The following RAB38 variants were observed in gnomAD, a reference collection of about 807,000 sequenced individuals.
The protein encoded by RAB38 is RAB38, member RAS oncogene family, also known as ras-related protein Rab-38.
In RAB38, 15 loss-of-function variants were observed where a neutral mutation model predicts 18.4. That is an observed-to-expected ratio of 0.82 (90% CI 0.55 to 1.26). RAB38 has a LOEUF of 1.26. Among genes scored for constraint, RAB38 ranks in the 50% most tolerant of loss-of-function variants. The probability of loss-of-function intolerance (pLI) is 0.00; values close to 1 mark genes in which losing one functional copy is unlikely to be tolerated. For missense variants in RAB38, 294 were observed against 267.4 expected, an observed-to-expected ratio of 1.10 and a Z score of -0.69; for synonymous variants, 101 against 104.4, an observed-to-expected ratio of 0.97 and a Z score of 0.20.
At chr11:87,843,802 A>T in the RAB38 span, among the ~76,000 whole-genome samples, 1 of 152,214 alleles carries the variant, frequency 6.6e-6, no homozygotes, top group Non-Finnish European at 1.5e-5. Context: ...GTTCTAAGTC[A>T]AAGATTTATA....
intron 1 of RAB38, among the ~76,000 whole-genome samples, chr11:88,155,441 C>A (rs999791999): frequency 4.6e-5 from 7 of 150,828 alleles, no homozygotes; most frequent in Non-Finnish European, 8.9e-5. Flanking sequence ...GCTACAGAAG[C>A]AAAACCAAAA....
the RAB38 span, among the ~76,000 whole-genome samples, chr11:88,062,335 G>A: frequency 3.9e-5 from 6 of 152,036 alleles, no homozygotes; most frequent in Non-Finnish European, 8.8e-5. Context: ...CTGGCACCAT[G>A]TAAGACATGC....
Position 88,113,986 on chromosome 11 carries a change from T to G in RAB38, c.*2A>C, listed in dbSNP as rs1311333260. On this transcript the variant is annotated 3_prime_UTR_variant, in exon 3 of 3. Coordinates refer to ENST00000243662, the MANE Select transcript of RAB38 (RefSeq NM_022337.3). ...CCTACCAGACACCAGCAAAGGTGCC[T>G]ACTAGGATTTGGCACAGCCAGAGCA... 1.2e-6 allele frequency: 2 copies of G among 1,613,988 alleles called. No homozygotes were observed. Among genetic ancestry groups the G allele is most frequent in the Non-Finnish European group, 1.7e-6 (2 of 1,179,972 alleles).
At chr11:88,070,014 T>A in the RAB38 span, among the ~76,000 whole-genome samples, 1 of 152,184 alleles carries the variant, frequency 6.6e-6, no homozygotes, top group African/African-American at 2.4e-5. Flanking sequence ...GATAAGGGAA[T>A]AAAAGCAGGC....
the RAB38 span, among the ~76,000 whole-genome samples, chr11:87,904,506 G>C: frequency 7.2e-5 from 11 of 151,754 alleles, no homozygotes; most frequent in East Asian, 1.9e-3. Flanking sequence ...TGGGTGCCTT[G>C]GTTGTTTCCA....
At chr11:88,143,743 T>C (rs302668) in intron 2 of RAB38, among the ~76,000 whole-genome samples, 42,366 of 152,116 alleles carry the variant, frequency 0.28, 6,572 homozygotes, top group Non-Finnish European at 0.33. Flanking sequence ...AGTGAAAATA[T>C]GAACCATGCA....
chr11:87,915,971 G>A, the RAB38 span, among the ~76,000 whole-genome samples: 1 of 152,060 alleles, frequency 6.6e-6, no homozygotes, highest in African/African-American at 2.4e-5. Flanking sequence ...TTTGCTTGGG[G>A]CCTGTTGTTA....
the RAB38 span, among the ~76,000 whole-genome samples, chr11:87,948,117 T>C: frequency 6.6e-6 from 1 of 152,172 alleles, no homozygotes; most frequent in Admixed American, 6.5e-5. Flanking sequence ...TCACGTCCCT[T>C]GTAAGTTGGA....
At chr11:87,956,129 TGTAACTGTAA>T in the RAB38 span, among the ~76,000 whole-genome samples, 1 of 132,226 alleles carries the variant, frequency 7.6e-6, no homozygotes, top group Non-Finnish European at 1.6e-5. Flanking sequence ...GCATATACCT[TGTAACTGTAA>T]GTAAGTAAAT....
chr11:87,923,801 T>A, the RAB38 span, among the ~76,000 whole-genome samples: 2 of 151,852 alleles, frequency 1.3e-5, no homozygotes, highest in East Asian at 3.9e-4. Flanking sequence ...TTAATTCTTA[T>A]GGGAACACTG....
At chr11:88,155,049 C>T (rs1231476195) in intron 1 of RAB38, among the ~76,000 whole-genome samples, 1 of 152,216 alleles carries the variant, frequency 6.6e-6, no homozygotes, top group Non-Finnish European at 1.5e-5. Context: ...TAGGCGGCTA[C>T]TCTTCCCATG....
the RAB38 span, among the ~76,000 whole-genome samples, chr11:87,947,803 C>T: frequency 0.044 from 6,758 of 152,036 alleles, 226 homozygotes; most frequent in East Asian, 0.15. Context: ...AGCTTTGTAG[C>T]ATAGTCTGAA....
the RAB38 span, among the ~76,000 whole-genome samples, chr11:87,949,012 C>G: frequency 6.6e-6 from 1 of 152,148 alleles, no homozygotes; most frequent in Non-Finnish European, 1.5e-5. Flanking sequence ...GTGAATCCAT[C>G]TGGTCCTGGA....
At chr11:87,876,538 A>G in the RAB38 span, among the ~76,000 whole-genome samples, 1 of 151,610 alleles carries the variant, frequency 6.6e-6, no homozygotes, top group South Asian at 2.1e-4. Context: ...TAAAAATGTT[A>G]GAATGAAGGG....
the RAB38 span, among the ~76,000 whole-genome samples, chr11:87,865,846 T>C: frequency 1.3e-5 from 2 of 151,650 alleles, no homozygotes; most frequent in African/African-American, 2.4e-5. Context: ...CAGGAGAATA[T>C]TGCATGTGTC....
At chr11:87,855,205 AT>A in the RAB38 span, among the ~76,000 whole-genome samples, 1 of 152,134 alleles carries the variant, frequency 6.6e-6, no homozygotes, top group Non-Finnish European at 1.5e-5. Flanking sequence ...ATTTTCCTGC[AT>A]TTCTCTGAGC....
chr11:87,897,351 T>C, the RAB38 span, among the ~76,000 whole-genome samples: 270 of 151,706 alleles, frequency 1.8e-3, 1 homozygote, highest in African/African-American at 6.0e-3. Flanking sequence ...CAAACACTGG[T>C]ATTTTTATAC....
chr11:88,113,152 AT>A (rs1336756134), downstream of RAB38: 2 of 152,378 alleles, frequency 1.3e-5, no homozygotes, highest in African/African-American at 4.8e-5. Flanking sequence ...CCTCCTTGAA[AT>A]AAAATTTTAG....
At chr11:88,086,032 T>C in the RAB38 span, among the ~76,000 whole-genome samples, 1 of 151,890 alleles carries the variant, frequency 6.6e-6, no homozygotes, top group East Asian at 1.9e-4. Flanking sequence ...TGTATGACTT[T>C]GAGTAAGTGA....
Sources: gnomAD v4.1 joint callset for allele counts (sites outside exome capture counted in the v4.1 genomes callset) on GRCh38, gnomAD v4.1.1 for gene constraint, MANE v1.5 for transcripts, NCBI Gene and HGNC (gene_info 2026-07-23, HGNC 2026-07-21) for gene names.